Variants in USP34 observed in about 807,000 individuals in gnomAD.
USP34 encodes ubiquitin carboxyl-terminal hydrolase 34.
A neutral mutation model predicts 460.3 loss-of-function variants in USP34; 70 were observed. The ratio of observed to expected loss-of-function variants is 0.15; its 90% CI spans 0.13 to 0.19. The LOEUF is 0.19. Among genes scored for constraint, USP34 ranks in the 10% least tolerant of loss-of-function variants. USP34 has a pLI of 1.00. For missense variants in USP34, 3,985 were observed against 4,236.2 expected (o/e 0.94, Z 1.65); for synonymous variants, 1,647 against 1,405.3 (o/e 1.17, Z -3.85).
At chr2:61,424,218 AT>A (rs1246780524) in intron 1 of USP34, among the ~76,000 whole-genome samples, 1 of 152,142 alleles carries the variant, frequency 6.6e-6, no homozygotes, top group Non-Finnish European at 1.5e-5. Flanking sequence ...TAAATATCCC[AT>A]TGCTCCTAGG....
intron 43 of USP34, among the ~76,000 whole-genome samples, chr2:61,264,109 T>C (rs1688977005): frequency 6.6e-6 from 1 of 152,172 alleles, no homozygotes; most frequent in African/African-American, 2.4e-5. Context: ...GTATACCAAA[T>C]TTATTCAGAA....
At chr2:61,391,325 T>C (rs905309352) in intron 5 of USP34, among the ~76,000 whole-genome samples, 7 of 151,898 alleles carry the variant, frequency 4.6e-5, no homozygotes, top group African/African-American at 1.7e-4. Flanking sequence ...AATATATAGC[T>C]TTTTCTTTAA....
chr2:61,346,491 A>G (rs980256672), intron 15 of USP34: 4 of 142,184 alleles, frequency 2.8e-5, no homozygotes, highest in African/African-American at 1.1e-4. Context: ...ACATCACTGC[A>G]CTACAGCCTA....
At chr2:61,379,011 T>TA (rs1184917199) in intron 7 of USP34, among the ~76,000 whole-genome samples, 1 of 141,720 alleles carries the variant, frequency 7.1e-6, no homozygotes, top group Non-Finnish European at 1.5e-5. Context: ...GCTGAGTAAG[T>TA]AAAAAAACAC....
intron 27 of USP34, among the ~76,000 whole-genome samples, chr2:61,308,124 C>T (rs1172024343): frequency 1.3e-5 from 2 of 151,792 alleles, no homozygotes; most frequent in Middle Eastern, 3.2e-3. Flanking sequence ...CAGATCTGTG[C>T]ACAGGAATGA....
intron 1 of USP34, among the ~76,000 whole-genome samples, chr2:61,463,506 T>G (rs1038474218): frequency 1.3e-5 from 2 of 152,102 alleles, no homozygotes; most frequent in African/African-American, 4.8e-5. Context: ...GTGATTCAGA[T>G]AGATCATCAT....
chr2:61,390,082 C>T lies in USP34; in HGVS notation c.753+4771G>A, dbSNP rs377172380. Among the ~76,000 whole-genome samples, 9 of 152,268 alleles carry T rather than the reference C, an allele frequency of 5.9e-5. No homozygotes were observed. In the East Asian group the frequency reaches 1.2e-3, roughly 20 times the overall value. On this transcript the variant is annotated intron_variant, in intron 5 of 79. Transcript: ENST00000398571. ...AAGCAGTCTTAGGACACTGAACATTCAGAAATTGCTATTGTGTTCCCCTAT... is the reference window on the plus strand; with the variant it reads ...AAGCAGTCTTAGGACACTGAACATTTAGAAATTGCTATTGTGTTCCCCTAT...
At chr2:61,308,492 C>T (rs1209449238) in intron 27 of USP34, among the ~76,000 whole-genome samples, 2 of 152,052 alleles carry the variant, frequency 1.3e-5, no homozygotes, top group African/African-American at 4.8e-5. Context: ...AAGAGTCTTA[C>T]AGGCAAAACA....
chr2:61,368,680 T>A (rs1252853940), intron 10 of USP34, among the ~76,000 whole-genome samples: 1 of 152,116 alleles, frequency 6.6e-6, no homozygotes, highest in South Asian at 2.1e-4. Flanking sequence ...GTTGGACACA[T>A]ACATAACACT....
intron 47 of USP34, 22 bp from the exon 48 acceptor site, chr2:61,256,500 A>G (rs1351154603): frequency 6.6e-7 from 1 of 1,519,840 alleles, no homozygotes; most frequent in Non-Finnish European, 8.9e-7. Context: ...ACCACATTTA[A>G]AAGTTTCATA....
At chr2:61,443,368 T>C (rs2104031743) in intron 1 of USP34, among the ~76,000 whole-genome samples, 1 of 152,150 alleles carries the variant, frequency 6.6e-6, no homozygotes, top group African/African-American at 2.4e-5. Context: ...TATATATGTA[T>C]CAACACATCA....
intron 1 of USP34, among the ~76,000 whole-genome samples, chr2:61,468,474 C>G (rs920377193): frequency 6.6e-6 from 1 of 152,200 alleles, no homozygotes; most frequent in Admixed American, 6.6e-5. Flanking sequence ...TGAGCCACTG[C>G]GCCTGGCCGT....
chr2:61,327,228 A>G (rs779945737), intron 20 of USP34, among the ~76,000 whole-genome samples: 7 of 152,238 alleles, frequency 4.6e-5, no homozygotes, highest in Non-Finnish European at 1.0e-4. Flanking sequence ...TTCACTGGAC[A>G]TGCCTTTGCT....
intron 65 of USP34, chr2:61,221,856 A>G: frequency 3.0e-6 from 1 of 332,150 alleles, no homozygotes; most frequent in Non-Finnish European, 5.4e-6. Context: ...AGATAATTAT[A>G]AAAATATTCT....
intron 2 of USP34, among the ~76,000 whole-genome samples, chr2:61,416,288 A>G (rs887281737): frequency 1.3e-5 from 2 of 152,238 alleles, no homozygotes; most frequent in Non-Finnish European, 2.9e-5. Flanking sequence ...ATTCTAAAAA[A>G]CAAAATTTAT....
chr2:61,361,470 A>T (rs1434752625), intron 10 of USP34, among the ~76,000 whole-genome samples: 1 of 152,152 alleles, frequency 6.6e-6, no homozygotes, highest in Non-Finnish European at 1.5e-5. Flanking sequence ...AGACATATGG[A>T]CCCATAGAAC....
chr2:61,304,555 T>C (rs536266293), intron 27 of USP34, among the ~76,000 whole-genome samples: 2 of 152,326 alleles, frequency 1.3e-5, no homozygotes, highest in Admixed American at 6.5e-5. Flanking sequence ...GTGGTGTCTC[T>C]ACAAAAGAGG....
chr2:61,371,220 A>G (rs1215452820), intron 8 of USP34, among the ~76,000 whole-genome samples: 2 of 152,232 alleles, frequency 1.3e-5, no homozygotes, highest in African/African-American at 4.8e-5. Context: ...AGAGCAATGC[A>G]TTACTCACAG....
intron 8 of USP34, among the ~76,000 whole-genome samples, chr2:61,373,742 G>C (rs942425096): frequency 1.6e-4 from 24 of 152,182 alleles, no homozygotes; most frequent in African/African-American, 5.8e-4. Context: ...CACTGAATTA[G>C]CTAATACTGA....
Sources: gnomAD v4.1 joint callset for allele counts (sites outside exome capture counted in the v4.1 genomes callset) on GRCh38, gnomAD v4.1.1 for gene constraint, MANE v1.5 for transcripts, NCBI Gene and HGNC (gene_info 2026-07-23, HGNC 2026-07-21) for gene names.